Variants in GAB2 observed in about 807,000 individuals in gnomAD.
GAB2 encodes the protein GRB2 associated binding protein 2.
In GAB2, 26 loss-of-function variants were observed where a neutral mutation model predicts 65.5. The observed-to-expected ratio is 0.40, with a 90% CI of 0.29 to 0.55. GAB2 has a LOEUF of 0.55. Ranked by LOEUF, GAB2 falls within the 20% of genes least tolerant of loss-of-function variation. The pLI, the probability that GAB2 is intolerant of heterozygous loss-of-function variation, is 0.53. For missense variants in GAB2, 884 were observed against 875.8 expected (o/e 1.01, Z -0.12); for synonymous variants, 321 against 329.6 (o/e 0.97, Z 0.28).
intron 2 of GAB2, among the ~76,000 whole-genome samples, chr11:78,264,530 A>G (rs533742308): frequency 7.4e-4 from 112 of 151,764 alleles, no homozygotes; most frequent in African/African-American, 2.7e-3. Context: ...CCTCCTGAGT[A>G]GCTGGGACTA....
intron 1 of GAB2, among the ~76,000 whole-genome samples, chr11:78,343,356 A>T (rs1264700112): frequency 7.1e-6 from 1 of 139,952 alleles, no homozygotes; most frequent in Non-Finnish European, 1.6e-5. Flanking sequence ...TACAAGAAGG[A>T]ATAATGTAAT....
chr11:78,327,778 C>T (rs1855848938), intron 1 of GAB2, among the ~76,000 whole-genome samples: 1 of 152,118 alleles, frequency 6.6e-6, no homozygotes, highest in African/African-American at 2.4e-5. Context: ...GGTTTATATC[C>T]TAAATTCTTA....
Position 78,336,604 on chromosome 11 carries a change from C to A in GAB2, c.76-55703G>T, listed in dbSNP as rs556444754. ...TAACGGGCACCTTAAATCTCTAAAA[C>A]CTTGGTAAAGTGCTTTGTTTTATAA... On this transcript the variant is annotated intron_variant, in intron 1 of 9. Transcript: ENST00000361507. Among the ~76,000 whole-genome samples the A allele has an allele frequency of 1.1e-4, 17 of 150,718 alleles. No homozygotes were observed. In the East Asian group the frequency reaches 3.3e-3, roughly 30 times the overall value.
intron 1 of GAB2, among the ~76,000 whole-genome samples, chr11:78,300,355 G>T (rs1866961282): frequency 6.9e-6 from 1 of 145,418 alleles, no homozygotes; most frequent in Non-Finnish European, 1.5e-5. Context: ...CCTATTGAGG[G>T]ATAATAAATA....
intron 1 of GAB2, among the ~76,000 whole-genome samples, chr11:78,410,061 A>AAT (rs577079154): frequency 1.8e-4 from 27 of 152,270 alleles, no homozygotes; most frequent in African/African-American, 5.5e-4. Flanking sequence ...AAGTAAAAAA[A>AAT]ATATATATAT....
intron 1 of GAB2, among the ~76,000 whole-genome samples, chr11:78,308,743 GAT>G (rs143002254): frequency 1.7e-3 from 265 of 152,332 alleles, no homozygotes; most frequent in Non-Finnish European, 3.3e-3. Context: ...CAGAAGTCAT[GAT>G]ACTTGGAAGA....
intron 1 of GAB2, among the ~76,000 whole-genome samples, chr11:78,381,123 T>C (rs757755661): frequency 3.3e-5 from 5 of 152,180 alleles, no homozygotes; most frequent in Non-Finnish European, 7.4e-5. Flanking sequence ...CAATACCAAA[T>C]TATACACATT....
intron 2 of GAB2, among the ~76,000 whole-genome samples, chr11:78,278,266 C>T (rs1014507705): frequency 2.6e-5 from 4 of 152,002 alleles, no homozygotes; most frequent in East Asian, 3.9e-4. Context: ...GATGGGGTTT[C>T]GCCATGTTGG....
chr11:78,238,560 G>A (rs1008764393), intron 3 of GAB2, among the ~76,000 whole-genome samples: 2 of 131,784 alleles, frequency 1.5e-5, no homozygotes, highest in African/African-American at 3.0e-5. Context: ...GCAACACATA[G>A]AACTGGAAAA....
intron 1 of GAB2, among the ~76,000 whole-genome samples, chr11:78,331,448 T>C (rs1855912502): frequency 6.6e-6 from 1 of 152,044 alleles, no homozygotes; most frequent in Non-Finnish European, 1.5e-5. Flanking sequence ...GGTTTTACCA[T>C]GTTGGCCAGG....
intron 1 of GAB2, among the ~76,000 whole-genome samples, chr11:78,334,372 C>A (rs1470055178): frequency 1.3e-5 from 2 of 152,078 alleles, no homozygotes; most frequent in African/African-American, 4.8e-5. Flanking sequence ...ACTTTTGGTG[C>A]CCATTAATCA....
chr11:78,282,309 A>AT (rs144499552), intron 1 of GAB2, among the ~76,000 whole-genome samples: 43,590 of 145,504 alleles, frequency 0.3, 7,505 homozygotes, highest in Non-Finnish European at 0.41. Context: ...GGCTGTGTGA[A>AT]TTTTTTTTTT....
At chr11:78,303,501 C>G (rs1284438929) in intron 1 of GAB2, among the ~76,000 whole-genome samples, 1 of 152,120 alleles carries the variant, frequency 6.6e-6, no homozygotes, top group African/African-American at 2.4e-5. Context: ...TATTTCTAGA[C>G]TTCCTATGTT....
chr11:78,309,132 A>C (rs1855434146), intron 1 of GAB2, among the ~76,000 whole-genome samples: 1 of 152,178 alleles, frequency 6.6e-6, no homozygotes, highest in Admixed American at 6.5e-5. Flanking sequence ...CGGGAGAGAG[A>C]AGAGTCAAAA....
intron 1 of GAB2, among the ~76,000 whole-genome samples, chr11:78,290,405 T>G (rs1341115318): frequency 4.6e-5 from 7 of 152,170 alleles, no homozygotes. Context: ...GACCACAAAG[T>G]GTGGGTACAT....
At chr11:78,232,099 G>C (rs1389440939) in intron 3 of GAB2, among the ~76,000 whole-genome samples, 1 of 152,222 alleles carries the variant, frequency 6.6e-6, no homozygotes, top group Non-Finnish European at 1.5e-5. Flanking sequence ...CTGTATATGT[G>C]AAACTAAAAG....
chr11:78,397,707 T>A (rs146119788), intron 1 of GAB2, among the ~76,000 whole-genome samples: 22 of 152,350 alleles, frequency 1.4e-4, no homozygotes, highest in Non-Finnish European at 2.5e-4. Flanking sequence ...TTGTGTAGTA[T>A]GTACTGCCTG....
At chr11:78,247,049 G>GGCTCC (rs1865319411) in intron 3 of GAB2, among the ~76,000 whole-genome samples, 1 of 152,026 alleles carries the variant, frequency 6.6e-6, no homozygotes, top group Non-Finnish European at 1.5e-5. Context: ...GCCCCAATGG[G>GGCTCC]GCTCCTCTTC....
At chr11:78,226,017 G>C (rs556361178) in intron 4 of GAB2, among the ~76,000 whole-genome samples, 5 of 152,220 alleles carry the variant, frequency 3.3e-5, no homozygotes, top group Non-Finnish European at 7.3e-5. Flanking sequence ...CAACCAAAGA[G>C]ATTCAAGTAT....
Sources: gnomAD v4.1 joint callset for allele counts (sites outside exome capture counted in the v4.1 genomes callset) on GRCh38, gnomAD v4.1.1 for gene constraint, MANE v1.5 for transcripts, NCBI Gene and HGNC (gene_info 2026-07-23, HGNC 2026-07-21) for gene names.